Variants in KIF21B observed in about 807,000 individuals in gnomAD.
The protein encoded by KIF21B is kinesin family member 21B.
In KIF21B, 85 loss-of-function variants were observed where a neutral mutation model predicts 192.9. That is an observed-to-expected ratio of 0.44 (90% CI 0.37 to 0.53). The LOEUF (loss-of-function observed/expected upper bound fraction) is 0.53. KIF21B is among the 20% of genes least tolerant of loss of function. The pLI is 0.00. For missense variants in KIF21B, 1,716 were observed against 2,194.8 expected (o/e 0.78, Z 4.36); for synonymous variants, 832 against 884.6 (o/e 0.94, Z 1.05).
chr1:200,994,597 T>C (rs1656931652), intron 15 of KIF21B, among the ~76,000 whole-genome samples: 4 of 152,244 alleles, frequency 2.6e-5, no homozygotes, highest in Admixed American at 2.0e-4. Flanking sequence ...CAGATGCATC[T>C]TGGCGTTACA....
intron 1 of KIF21B, among the ~76,000 whole-genome samples, chr1:201,019,429 G>T (rs1658691972): frequency 6.6e-6 from 1 of 152,088 alleles, no homozygotes; most frequent in African/African-American, 2.4e-5. Flanking sequence ...AACAGGGAAG[G>T]TGCCCCATGA....
intron 27 of KIF21B, among the ~76,000 whole-genome samples, chr1:200,983,591 C>T (rs1179304277): frequency 6.6e-6 from 1 of 152,182 alleles, no homozygotes; most frequent in Non-Finnish European, 1.5e-5. Flanking sequence ...CCCTAGGGGG[C>T]CCACTGGGAC....
At chr1:200,981,858 G>A (rs142109226) in intron 28 of KIF21B, among the ~76,000 whole-genome samples, 9 of 152,194 alleles carry the variant, frequency 5.9e-5, no homozygotes, top group African/African-American at 1.7e-4. Flanking sequence ...CCAAGTGAGC[G>A]TGAGGGTTTT....
At chr1:201,002,377 T>A (rs765494876) in intron 8 of KIF21B, 27 bp from the exon 9 acceptor site, 20 of 1,602,376 alleles carry the variant, frequency 1.2e-5, no homozygotes, top group Non-Finnish European at 1.6e-5. Context: ...AGGGGAGCAG[T>A]CAGGCAGCAG....
chr1:200,992,437 T>TCTCTGA (rs749006112), intron 15 of KIF21B, 48 bp from the exon 16 acceptor site: 1 of 1,586,988 alleles, frequency 6.3e-7, no homozygotes, highest in Non-Finnish European at 8.6e-7. Flanking sequence ...GGGAGGCAGG[T>TCTCTGA]GGCCCACACT....
intron 27 of KIF21B, among the ~76,000 whole-genome samples, chr1:200,983,567 A>G (rs565946092): frequency 6.0e-4 from 91 of 152,232 alleles, no homozygotes; most frequent in Middle Eastern, 6.8e-3. Context: ...TCACTTATTT[A>G]CAAAGCCCAC....
At chr1:200,980,145 C>T (rs1255272568) in intron 29 of KIF21B, among the ~76,000 whole-genome samples, 2 of 152,222 alleles carry the variant, frequency 1.3e-5, no homozygotes, top group Non-Finnish European at 2.9e-5. Flanking sequence ...TGACAGCTAT[C>T]CCCCTACTGC....
chr1:200,986,611 G>C (rs1316114334), intron 26 of KIF21B, among the ~76,000 whole-genome samples: 1 of 152,188 alleles, frequency 6.6e-6, no homozygotes, highest in East Asian at 1.9e-4. Flanking sequence ...GGCCATCTCA[G>C]CCTCCCAAAG....
At chr1:201,007,729 TAC>T (rs921104804) in intron 3 of KIF21B, among the ~76,000 whole-genome samples, 26 of 123,464 alleles carry the variant, frequency 2.1e-4, no homozygotes, top group African/African-American at 5.7e-4. Context: ...TAGACACACA[TAC>T]ACACACACAC....
Position 200,971,828 on chromosome 1 carries a change from C to G in KIF21B, c.*1693G>C, listed in dbSNP as rs1023770984. 8 of 152,480 alleles carry G rather than the reference C, an allele frequency of 5.2e-5. No individual in the cohort carries two copies. Among genetic ancestry groups the G allele is most frequent in the African/African-American group, 1.9e-4 (8 of 41,460 alleles). 9.4% of individuals were successfully genotyped at this position (152,480 alleles called of 1,614,324 possible). A position where few individuals can be genotyped will look rare whatever the true frequency, so the allele number is the denominator to read the frequency against. ...GGGAAGGGACCAGGCCTCACTCAGC[C>G]TCCACTGGAGCCTGCCTCCCCCCAA... is the stretch of plus-strand genomic sequence containing the variant. On this transcript the variant is annotated 3_prime_UTR_variant, in exon 35 of 35. Coordinates refer to ENST00000461742, the MANE Select transcript of KIF21B (RefSeq NM_001252102.2).
chr1:201,006,350 C>G (rs138033244), intron 3 of KIF21B, among the ~76,000 whole-genome samples: 30 of 152,280 alleles, frequency 2.0e-4, no homozygotes, highest in African/African-American at 6.5e-4. Flanking sequence ...TTTGGAACTG[C>G]TGGCATGGAA....
chr1:201,007,075 GAC>G (rs1171658562), intron 3 of KIF21B, among the ~76,000 whole-genome samples: 4 of 95,962 alleles, frequency 4.2e-5, no homozygotes, highest in Middle Eastern at 7.2e-3. Flanking sequence ...GACACACACA[GAC>G]ACACACACAC....
At chr1:200,987,260 A>G (rs1571925070) in intron 24 of KIF21B, 59 bp from the exon 25 acceptor site, 2 of 1,443,422 alleles carry the variant, frequency 1.4e-6, no homozygotes, top group African/African-American at 1.4e-5. Context: ...CATAAAGGGG[A>G]GCCAGGGGAA....
Position 200,996,254 on chromosome 1 carries a change from C to A in KIF21B, c.2219G>T (p.Arg740Leu), listed in dbSNP as rs753937959. Residue 740 changes from arginine to leucine, a missense_variant, in exon 15 of 35, where the codon CGC becomes CTC. Coordinates refer to ENST00000461742, the MANE Select transcript of KIF21B (RefSeq NM_001252102.2). ...EHARLLKNQS[R>L]YERELKKLQA... ...TAGCTTCTTCAGCTCCCTCTCGTAG[C>A]GCGACTGGTTCTTAAGCAGCCGGGC... 6 of 1,614,052 alleles carry A rather than the reference C, an allele frequency of 3.7e-6. No homozygotes were observed. Among genetic ancestry groups the A allele is most frequent in the Non-Finnish European group, 5.1e-6 (6 of 1,180,028 alleles).
rs1421346602 is a variant in KIF21B at position 200,969,921 on chromosome 1, C to G, written c.*3600G>C. The G allele has an allele frequency of 2.0e-5, 3 of 152,542 alleles. No individual in the cohort carries two copies. Among genetic ancestry groups the G allele is most frequent in the Non-Finnish European group, 4.4e-5 (3 of 68,148 alleles). 9.4% of individuals were successfully genotyped at this position (152,542 alleles called of 1,614,324 possible). A position where few individuals can be genotyped will look rare whatever the true frequency, so the allele number is the denominator to read the frequency against. On this transcript the variant is annotated 3_prime_UTR_variant, in exon 35 of 35. Transcript: ENST00000461742. ...AGGCCTGTGGGGCATTGGCCACTGA[C>G]CAGGAGGCTATGCCAAGCAAGGAGA...
At chr1:200,996,537 GTTTCATCAT>G (rs1429783266) in intron 14 of KIF21B, 142 bp from the exon 15 acceptor site, 10 of 705,508 alleles carry the variant, frequency 1.4e-5, no homozygotes, top group Non-Finnish European at 2.2e-5. Flanking sequence ...CTCTGAGCCT[GTTTCATCAT>G]TTGAATGAGG....
intron 24 of KIF21B, among the ~76,000 whole-genome samples, chr1:200,987,698 T>C (rs1048708329): frequency 2.6e-5 from 4 of 152,232 alleles, no homozygotes; most frequent in African/African-American, 7.2e-5. Flanking sequence ...CGGCCCTTAG[T>C]TGGACTATGT....
At chr1:201,010,657 C>T (rs1359279636) in intron 1 of KIF21B, among the ~76,000 whole-genome samples, 4 of 152,228 alleles carry the variant, frequency 2.6e-5, no homozygotes, top group African/African-American at 9.6e-5. Context: ...GGCCTCCTCT[C>T]CCTAAGCCAA....
chr1:201,000,776 A>G lies in KIF21B; in HGVS notation c.1407T>C (p.Asp469=). ...EANLLLAKAG[D]GNEAIGALIQ... ...TCAGCGCACCAATGGCCTCATTGCC[A>G]TCGCCTGGAGTGGGACGGCGGGAAG... The change falls in exon 10 of 35, where the codon GAT becomes GAC. Residue 469 remains aspartate, a synonymous_variant. Coordinates refer to ENST00000461742, the MANE Select transcript of KIF21B (RefSeq NM_001252102.2). This position sits in a 1 kb window ranked among gnomAD's most constrained non-coding sequence, Gnocchi z 6.0. The G allele has an allele frequency of 1.2e-6, 2 of 1,614,166 alleles. No individual in the cohort carries two copies. Among genetic ancestry groups the G allele is most frequent in the Non-Finnish European group, 8.5e-7 (1 of 1,179,996 alleles).
Sources: allele counts gnomAD v4.1 joint callset (sites outside exome capture counted in the v4.1 genomes callset), GRCh38; gene constraint gnomAD v4.1.1; non-coding constraint Gnocchi (gnomAD v3.1); transcripts MANE v1.5; gene names NCBI Gene and HGNC (gene_info 2026-07-23, HGNC 2026-07-21).